RNF145: variants seen among roughly 807,000 people sequenced by gnomAD.
The protein encoded by RNF145 is ring finger protein 145.
A neutral mutation model predicts 57.3 loss-of-function variants in RNF145; 12 were observed. The observed-to-expected ratio is 0.21, with a 90% CI of 0.13 to 0.34. RNF145 has a LOEUF of 0.34. RNF145 is among the 10% of genes least tolerant of loss of function. The pLI, the probability that RNF145 is intolerant of heterozygous loss-of-function variation, is 1.00. For synonymous variants in RNF145, 262 were observed against 288.3 expected, an observed-to-expected ratio of 0.91 and a Z score of 0.92; for missense variants, 429 against 799.0, an observed-to-expected ratio of 0.54 and a Z score of 5.58.
intron 3 of RNF145, among the ~76,000 whole-genome samples, chr5:159,190,015 T>G (rs1181655873): frequency 6.6e-6 from 1 of 152,186 alleles, no homozygotes; most frequent in East Asian, 1.9e-4. Flanking sequence ...ACTCTGTGAA[T>G]GTACTACAAA....
At chr5:159,182,124 C>T (rs981295689) in intron 3 of RNF145, 73 bp from the exon 4 acceptor site, 2 of 893,598 alleles carry the variant, frequency 2.2e-6, no homozygotes, top group Non-Finnish European at 3.6e-6. Context: ...CTTATAAAAG[C>T]ATATTATGTT....
chr5:159,183,134 C>T (rs1369578330), intron 3 of RNF145, among the ~76,000 whole-genome samples: 4 of 152,120 alleles, frequency 2.6e-5, no homozygotes, highest in South Asian at 2.1e-4. Flanking sequence ...AAATGCATGA[C>T]TAAGTTATAT....
rs1460132067 is a variant in RNF145, at chr5:159,169,686, T to C, written c.931A>G (p.Met311Val). The C allele has an allele frequency of 2.5e-6, 4 of 1,604,880 alleles. No individual in the cohort carries two copies. The African/African-American group carries it at 5.4e-5, about 22-fold the overall frequency. The part of the protein sequence containing the change: ...GYRAFMNDPA[M>V]NRGMTEGVTL... ...ATCAAGGAAAGAACTTACCGATTCA[T>C]GGCAGGATCATTCATGAAAGCTCGA... The change falls in exon 7 of 11, where the codon ATG becomes GTG. Residue 311 changes from methionine to valine, a missense_variant. Met to Val is a conservative substitution (Grantham distance 21). Around this residue, in one of 4 missense-constraint regions of RNF145, gnomAD observed 216 missense variants for 457.6 expected, o/e 0.47. Transcript: ENST00000424310.
At chr5:159,190,044 A>C (rs937327621) in intron 3 of RNF145, among the ~76,000 whole-genome samples, 8 of 152,174 alleles carry the variant, frequency 5.3e-5, no homozygotes, top group African/African-American at 1.7e-4. Flanking sequence ...CTGTATACAT[A>C]TATACAGCTT....
At position 159,174,158 on chromosome 5, in the gene RNF145, C is replaced by T. The variant is rs1216361058; in HGVS notation, c.622G>A (p.Val208Ile). ...GCGAGAAGGCCATATACCTCCACTACCTAAATAAAAACGTAAGATAGGAAA... is the reference window on the plus strand; with the variant it reads ...GCGAGAAGGCCATATACCTCCACTATCTAAATAAAAACGTAAGATAGGAAA... The part of the protein sequence containing the change: ...AKSAYRELVQ[V>I]VEVYGLLALG... The change falls in exon 6 of 11, where the codon GTA (valine) becomes ATA (isoleucine). Residue 208 changes from valine (V) to isoleucine (I), a missense_variant and splice_region_variant. Val to Ile is a conservative substitution (Grantham distance 29). This residue lies in a region of RNF145 where 216 missense variants were observed against 457.6 expected (regional missense o/e 0.47). Coordinates refer to ENST00000424310, the MANE Select transcript of RNF145 (RefSeq NM_001199383.2). The T allele has an allele frequency of 4.4e-6, 7 of 1,590,026 alleles. No individual in the cohort carries two copies. The highest frequency in any genetic ancestry group is 3.5e-5 in the South Asian group (3 of 86,540).
intron 3 of RNF145, 108 bp downstream of exon 3, chr5:159,194,608 C>T: frequency 1.4e-6 from 1 of 710,558 alleles, no homozygotes; most frequent in Non-Finnish European, 2.5e-6. Flanking sequence ...CAGTTTTGGA[C>T]CTACCAAAGC....
rs1784106859 is a variant in RNF145, at chr5:159,158,312, T to C, written c.*358A>G. 4.2e-6 allele frequency: 1 copy of C among 238,114 alleles called. No homozygotes were observed. The highest frequency in any genetic ancestry group is 8.3e-6 in the Non-Finnish European group (1 of 120,110). The allele number at this position is 238,114 out of a possible 1,614,324, so 14.8% of individuals were successfully genotyped here. A position where few individuals can be genotyped will look rare whatever the true frequency, so the allele number is the denominator to read the frequency against. ...CCTTCTTTCCATGCTGTCCTCATGC[T>C]CTTTATCCTCACTTCCTCAGTCCCT... is the stretch of plus-strand genomic sequence containing the variant. On this transcript the variant is annotated 3_prime_UTR_variant, in exon 11 of 11. Coordinates refer to ENST00000424310, the MANE Select transcript of RNF145 (RefSeq NM_001199383.2).
chr5:159,190,119 T>TACA (rs1785237597), intron 3 of RNF145, among the ~76,000 whole-genome samples: 1 of 152,196 alleles, frequency 6.6e-6, no homozygotes, highest in South Asian at 2.1e-4. Context: ...CCCAGCTCAC[T>TACA]GTAGCCTCAA....
At chr5:159,159,861 T>G (rs1169039411) in intron 10 of RNF145, among the ~76,000 whole-genome samples, 2 of 152,180 alleles carry the variant, frequency 1.3e-5, no homozygotes, top group Non-Finnish European at 2.9e-5. Flanking sequence ...TTAATTTTGT[T>G]TCAAGTCCCA....
chr5:159,208,734 C>CA (rs1785991944), intron 1 of RNF145, among the ~76,000 whole-genome samples: 1 of 151,166 alleles, frequency 6.6e-6, no homozygotes, highest in Admixed American at 6.6e-5. Context: ...AACAAAGAGG[C>CA]AAAAGAGGCA....
At chr5:159,193,759 T>A (rs1785362259) in intron 3 of RNF145, among the ~76,000 whole-genome samples, 1 of 152,182 alleles carries the variant, frequency 6.6e-6, no homozygotes, top group Non-Finnish European at 1.5e-5. Flanking sequence ...ATTCTAATAA[T>A]GTAAAAATGC....
chr5:159,182,095 C>T (rs1258065533), intron 3 of RNF145, 44 bp from the exon 4 acceptor site: 7 of 1,159,448 alleles, frequency 6.0e-6, no homozygotes, highest in African/African-American at 1.5e-5. Context: ...AGATACATTC[C>T]TAGCGGAATC....
chr5:159,166,351 A>G (rs1784393210), intron 8 of RNF145, among the ~76,000 whole-genome samples: 1 of 152,206 alleles, frequency 6.6e-6, no homozygotes, highest in Non-Finnish European at 1.5e-5. Context: ...AAAAACTGCC[A>G]TTAATTCTAA....
chr5:159,187,278 A>C (rs1270018315), intron 3 of RNF145, among the ~76,000 whole-genome samples: 1 of 151,940 alleles, frequency 6.6e-6, no homozygotes, highest in East Asian at 1.9e-4. Context: ...GCAAAACTCC[A>C]TCTCAAAAAA....
intron 4 of RNF145, among the ~76,000 whole-genome samples, 179 bp downstream of exon 4, chr5:159,181,781 A>T (rs1366159070): frequency 6.6e-6 from 1 of 151,794 alleles, no homozygotes; most frequent in Non-Finnish European, 1.5e-5. Flanking sequence ...CATAATCTAT[A>T]CATGGGGAAA....
intron 6 of RNF145, 135 bp downstream of exon 6, chr5:159,173,848 A>G: frequency 5.0e-6 from 3 of 603,972 alleles, no homozygotes; most frequent in Non-Finnish European, 5.4e-6. Context: ...TATCCAGTGA[A>G]TGAAAATCCT....
At chr5:159,166,578 T>C (rs1460798103) in intron 8 of RNF145, among the ~76,000 whole-genome samples, 3 of 152,222 alleles carry the variant, frequency 2.0e-5, no homozygotes, top group Non-Finnish European at 4.4e-5. Flanking sequence ...TCTAGCTTCA[T>C]TATAGAGTAG....
At chr5:159,165,988 A>T (rs537977075) in intron 8 of RNF145, among the ~76,000 whole-genome samples, 1 of 152,192 alleles carries the variant, frequency 6.6e-6, no homozygotes, top group Non-Finnish European at 1.5e-5. Flanking sequence ...ACCTATGAGG[A>T]GATCATGCCA....
intron 10 of RNF145, among the ~76,000 whole-genome samples, chr5:159,159,606 C>A (rs1213744807): frequency 6.6e-6 from 1 of 152,140 alleles, no homozygotes; most frequent in Non-Finnish European, 1.5e-5. Context: ...TGCATAAGAA[C>A]CACTTGTTAA....
Sources: allele counts gnomAD v4.1 joint callset (sites outside exome capture counted in the v4.1 genomes callset), GRCh38; gene constraint gnomAD v4.1.1; regional missense constraint gnomAD v4.1.1; transcripts MANE v1.5; gene names NCBI Gene and HGNC (gene_info 2026-07-23, HGNC 2026-07-21).